WIPI2: variants seen among roughly 807,000 people sequenced by gnomAD.
The protein encoded by WIPI2 is WD repeat domain phosphoinositide-interacting protein 2.
WIPI2 carries 28 observed loss-of-function variants against 52.3 expected under a neutral mutation model. The observed-to-expected ratio is 0.54, with a 90% confidence interval of 0.40 to 0.73. The LOEUF is 0.73. WIPI2 is among the 30% of genes least tolerant of loss of function. The pLI is 0.00. For missense variants in WIPI2, 506 were observed against 602.9 expected (o/e 0.84, Z 1.68); for synonymous variants, 268 against 245.0 (o/e 1.09, Z -0.88).
chr7:5,210,414 G>C (rs759891796), intron 3 of WIPI2, among the ~76,000 whole-genome samples: 1 of 152,194 alleles, frequency 6.6e-6, no homozygotes, highest in African/African-American at 2.4e-5. Flanking sequence ...CTGTTCTTCA[G>C]ATGCCCTCTT....
rs1781926172 is a variant in WIPI2 at position 5,199,609 on chromosome 7, A to G, written c.162A>G (p.Lys54=). The G allele has an allele frequency of 2.5e-6, 4 of 1,612,890 alleles. No individual in the cohort carries two copies. The South Asian group carries it at 3.3e-5, about 13-fold the overall frequency. Residue 54 remains lysine (K), a synonymous_variant, in exon 3 of 13, where the codon AAA becomes AAG. Transcript: ENST00000288828. ...SLAVGSKSGY[K]FFSLSSVDKL... is the part of the protein sequence containing the mutation. ...CTGTTGGTAGTAAGTCCGGTTATAAATTTTTCTCCCTTTCTTCTGTGGATA... is the reference window on the plus strand; with the variant it reads ...CTGTTGGTAGTAAGTCCGGTTATAAGTTTTTCTCCCTTTCTTCTGTGGATA...
intron 1 of WIPI2, among the ~76,000 whole-genome samples, chr7:5,192,389 G>T (rs759578375): frequency 6.6e-6 from 1 of 152,168 alleles, no homozygotes. Flanking sequence ...CACTCTTTCA[G>T]TTTTTCACTA....
At chr7:5,212,136 C>G (rs548949931) in intron 3 of WIPI2, among the ~76,000 whole-genome samples, 3 of 152,160 alleles carry the variant, frequency 2.0e-5, no homozygotes, top group Non-Finnish European at 4.4e-5. Context: ...AAGGTCCATT[C>G]CATCCGTTCA....
At chr7:5,202,010 CA>C (rs772806088) in intron 3 of WIPI2, among the ~76,000 whole-genome samples, 5 of 151,816 alleles carry the variant, frequency 3.3e-5, no homozygotes, top group African/African-American at 4.8e-5. Context: ...AGTGAAATGT[CA>C]AGATTGTTTT....
In WIPI2 at chr7:5,230,896, G is replaced by C. The variant is rs756858126; in HGVS notation, c.1314G>C (p.Leu438=). The C allele has an allele frequency of 7.4e-6, 12 of 1,613,720 alleles. No individual in the cohort carries two copies. Among genetic ancestry groups the C allele is most frequent in the Non-Finnish European group, 9.3e-6 (11 of 1,179,810 alleles). The change falls in exon 13 of 13, where the codon CTG becomes CTC. Residue 438 remains leucine, a synonymous_variant. Transcript: ENST00000288828. This position sits in a 1 kb window ranked among gnomAD's most constrained non-coding sequence, Gnocchi z 4.8. ...GCCTGGAGGACGAGGCCAGCGCCCT[G>C]CGCCTGGATGAGGACAGCGAGCACC... ...GACLEDEASA[L]RLDEDSEHPP...
intron 3 of WIPI2, among the ~76,000 whole-genome samples, chr7:5,209,906 GTTTTGTTTT>G (rs1340072545): frequency 6.6e-6 from 1 of 151,790 alleles, no homozygotes; most frequent in Non-Finnish European, 1.5e-5. Flanking sequence ...TTCTTTTTTT[GTTTTGTTTT>G]TTTGGTTTTT....
At chr7:5,225,594 C>G (rs1394608996) in intron 8 of WIPI2, among the ~76,000 whole-genome samples, 1 of 152,200 alleles carries the variant, frequency 6.6e-6, no homozygotes, top group Non-Finnish European at 1.5e-5. Flanking sequence ...AAATCCTACT[C>G]CTTTTGTCAT....
In WIPI2 at chr7:5,228,228, C is replaced by A; in HGVS notation, c.1121+17C>A. On this transcript the variant is annotated intron_variant, in intron 11 of 12. Transcript: ENST00000288828. ...GCAGCACCGGTGAGTCTGCTCCGGC[C>A]GCTTCACGGAGCTGCTCCGTGCTGG... The A allele has an allele frequency of 6.2e-7, 1 of 1,603,248 alleles. No homozygotes were observed. Among genetic ancestry groups the A allele is most frequent in the Non-Finnish European group, 8.5e-7 (1 of 1,175,284 alleles).
At chr7:5,229,523 C>G in intron 11 of WIPI2, 85 bp from the exon 12 acceptor site, 1 of 1,510,058 alleles carries the variant, frequency 6.6e-7, no homozygotes, top group Non-Finnish European at 8.9e-7. Context: ...TGTGCTGGCT[C>G]TGTTGCCGCA....
chr7:5,224,942 A>T (rs545170877), intron 8 of WIPI2, among the ~76,000 whole-genome samples: 1 of 152,266 alleles, frequency 6.6e-6, no homozygotes, highest in Non-Finnish European at 1.5e-5. Flanking sequence ...TGCTGCATTA[A>T]GGCGAGAACA....
rs1783754335 is a variant in WIPI2, at chr7:5,232,145, A to G, written c.*1198A>G. ...AGGGCATTTAAGTGGCATTAATGGC[A>G]GGAGAGATGGTTTTAGAATCTATGG... On this transcript the variant is annotated 3_prime_UTR_variant, in exon 13 of 13. Transcript: ENST00000288828. 3 of 398,876 alleles carry G rather than the reference A, an allele frequency of 7.5e-6. No individual in the cohort carries two copies. The highest frequency in any genetic ancestry group is 8.8e-6 in the Non-Finnish European group (2 of 226,090). 24.7% of individuals were successfully genotyped at this position (398,876 alleles called of 1,614,324 possible).
intron 3 of WIPI2, among the ~76,000 whole-genome samples, chr7:5,203,234 T>C (rs1292774203): frequency 6.6e-6 from 1 of 152,214 alleles, no homozygotes. Flanking sequence ...GTTGGAATAT[T>C]AATTTCAGTG....
intron 3 of WIPI2, 93 bp downstream of exon 3, chr7:5,199,751 G>T (rs1308133405): frequency 4.7e-6 from 6 of 1,272,022 alleles, no homozygotes; most frequent in Middle Eastern, 2.8e-4. Flanking sequence ...CGCTGTGGTT[G>T]AAGTCCAGAC....
chr7:5,214,763 C>G, intron 4 of WIPI2, 59 bp downstream of exon 4: 3 of 1,582,454 alleles, frequency 1.9e-6, no homozygotes, highest in Non-Finnish European at 2.6e-6. Flanking sequence ...CACTCTGGGA[C>G]AAGCCCACCC....
At chr7:5,209,445 A>G (rs1782450292) in intron 3 of WIPI2, among the ~76,000 whole-genome samples, 3 of 152,200 alleles carry the variant, frequency 2.0e-5, no homozygotes, top group Non-Finnish European at 2.9e-5. Flanking sequence ...CTTAACCTTC[A>G]TCAGTGAAAG....
At chr7:5,223,706 G>C (rs572354764) in intron 8 of WIPI2, among the ~76,000 whole-genome samples, 1 of 152,254 alleles carries the variant, frequency 6.6e-6, no homozygotes, top group African/African-American at 2.4e-5. Flanking sequence ...TATTCCTCCT[G>C]CCTGCTGGGC....
In WIPI2 at chr7:5,226,165, G is replaced by C. The variant is rs775167973; in HGVS notation, c.848+235G>C. 19 of 514,466 alleles carry C rather than the reference G, an allele frequency of 3.7e-5. 1 individual carries two copies. In the South Asian group the frequency reaches 4.3e-4, roughly 12 times the overall value. The allele number at this position is 514,466 out of a possible 1,614,324, so 31.9% of individuals were successfully genotyped here. On this transcript the variant is annotated intron_variant, in intron 9 of 12. Coordinates refer to ENST00000288828, the MANE Select transcript of WIPI2 (RefSeq NM_015610.4). ...CACGCAGGGTAGACAGAGCCCTCGC[G>C]TAGGGCATGGAGGGCCCAGGTGGAC...
At chr7:5,206,368 CA>C (rs1393419286) in intron 3 of WIPI2, among the ~76,000 whole-genome samples, 2 of 152,156 alleles carry the variant, frequency 1.3e-5, no homozygotes. Context: ...ATCATTGAAG[CA>C]AAATGGTAGA....
At chr7:5,206,900 C>T (rs975309200) in intron 3 of WIPI2, among the ~76,000 whole-genome samples, 8 of 152,192 alleles carry the variant, frequency 5.3e-5, no homozygotes, top group Admixed American at 3.9e-4. Flanking sequence ...GCCTCTGCCT[C>T]CAGAGTTGCT....
Sources: allele counts gnomAD v4.1 joint callset (sites outside exome capture counted in the v4.1 genomes callset), GRCh38; gene constraint gnomAD v4.1.1; non-coding constraint Gnocchi (gnomAD v3.1); transcripts MANE v1.5; gene names NCBI Gene and HGNC (gene_info 2026-07-23, HGNC 2026-07-21).